GPC6: variants seen among roughly 807,000 people sequenced by gnomAD.
The protein encoded by GPC6 is glypican-6.
Under a neutral mutation model 55.2 loss-of-function variants are expected in GPC6, and 14 were observed. That is an observed-to-expected ratio of 0.25 (90% CI 0.17 to 0.40). The LOEUF (loss-of-function observed/expected upper bound fraction) is 0.40, where lower values mean the gene tolerates loss of function less well. GPC6 is among the 10% of genes least tolerant of loss of function. GPC6 has a pLI of 1.00. For missense variants in GPC6, 641 were observed against 708.5 expected (o/e 0.90, Z 1.08); for synonymous variants, 278 against 259.6 (o/e 1.07, Z -0.68).
intron 2 of GPC6, among the ~76,000 whole-genome samples, chr13:93,744,880 C>G (rs1884346520): frequency 6.6e-6 from 1 of 151,740 alleles, no homozygotes. Context: ...ATGCAGTGAG[C>G]CAAGATCACA....
At chr13:93,314,517 A>T (rs1879176097) in intron 1 of GPC6, among the ~76,000 whole-genome samples, 1 of 152,154 alleles carries the variant, frequency 6.6e-6, no homozygotes, top group African/African-American at 2.4e-5. Flanking sequence ...ACCGCCTATA[A>T]AATGGCAGCA....
At chr13:93,236,736 A>G (rs978337294) in intron 1 of GPC6, among the ~76,000 whole-genome samples, 2 of 152,106 alleles carry the variant, frequency 1.3e-5, no homozygotes, top group Non-Finnish European at 2.9e-5. Context: ...CCTGGTGCCA[A>G]AAAGGTTGGG....
chr13:93,621,476 T>G (rs1878948220), intron 2 of GPC6, among the ~76,000 whole-genome samples: 1 of 152,156 alleles, frequency 6.6e-6, no homozygotes, highest in African/African-American at 2.4e-5. Flanking sequence ...ATAACTTGGA[T>G]GTGTTCTCCA....
chr13:93,298,500 T>A (rs966845805), intron 1 of GPC6, among the ~76,000 whole-genome samples: 1 of 152,180 alleles, frequency 6.6e-6, no homozygotes, highest in Non-Finnish European at 1.5e-5. Flanking sequence ...AGTGGTGCCA[T>A]CACAGCTCAC....
chr13:93,325,515 A>G (rs1879623523), intron 1 of GPC6, among the ~76,000 whole-genome samples: 1 of 152,150 alleles, frequency 6.6e-6, no homozygotes, highest in African/African-American at 2.4e-5. Flanking sequence ...GAGATGCTAG[A>G]AGAGTAAGCA....
At chr13:93,831,770 A>G (rs1463348219) in intron 3 of GPC6, among the ~76,000 whole-genome samples, 3 of 151,930 alleles carry the variant, frequency 2.0e-5, no homozygotes, top group Admixed American at 1.3e-4. Flanking sequence ...ATTTATCAAT[A>G]TAAAGGGCAT....
intron 4 of GPC6, among the ~76,000 whole-genome samples, chr13:94,208,913 C>A (rs1033221231): frequency 6.6e-6 from 1 of 151,918 alleles, no homozygotes; most frequent in Non-Finnish European, 1.5e-5. Flanking sequence ...GGAGATGGAG[C>A]AAGACCCTAT....
At chr13:93,218,980 G>T in the GPC6 span, among the ~76,000 whole-genome samples, 1 of 151,702 alleles carries the variant, frequency 6.6e-6, no homozygotes, top group Non-Finnish European at 1.5e-5. Context: ...GTATGTTACC[G>T]GACTGATGTT....
intron 1 of GPC6, among the ~76,000 whole-genome samples, chr13:93,255,489 C>G (rs1242249441): frequency 6.6e-6 from 1 of 152,110 alleles, no homozygotes; most frequent in Non-Finnish European, 1.5e-5. Flanking sequence ...ACTAATATTT[C>G]TTTCTAAAAA....
At chr13:93,659,418 G>A (rs1594349508) in intron 2 of GPC6, among the ~76,000 whole-genome samples, 1 of 151,862 alleles carries the variant, frequency 6.6e-6, no homozygotes. Context: ...AACAGTTTTA[G>A]TACCAAAAGT....
chr13:94,016,938 G>A (rs1180935094), intron 3 of GPC6, among the ~76,000 whole-genome samples: 3 of 151,802 alleles, frequency 2.0e-5, no homozygotes, highest in South Asian at 2.1e-4. Flanking sequence ...GGGTTCAAAC[G>A]ATTCTCCTCT....
At chr13:93,344,727 C>T (rs1880373007) in intron 1 of GPC6, among the ~76,000 whole-genome samples, 1 of 152,190 alleles carries the variant, frequency 6.6e-6, no homozygotes, top group Non-Finnish European at 1.5e-5. Context: ...CCTCATTGCT[C>T]TTCTGGTTAC....
At position 93,898,454 on chromosome 13, in the gene GPC6, G is replaced by C. The variant is rs1457134467; in HGVS notation, c.711+67909G>C. 3.9e-5 allele frequency among the ~76,000 whole-genome samples: 6 copies of C among 152,208 alleles called. 1 individual carries two copies. The highest frequency in any genetic ancestry group is 1.3e-4 in the Admixed American group (2 of 15,272). Reference sequence around the variant, plus strand: ...TTGCCTTGGTGATGTTTACTTGAAGGCCACATGGATGAAACTGTGCATGAA... The same window carrying C: ...TTGCCTTGGTGATGTTTACTTGAAGCCCACATGGATGAAACTGTGCATGAA... On this transcript the variant is annotated intron_variant, in intron 3 of 8. Coordinates refer to ENST00000377047, the MANE Select transcript of GPC6 (RefSeq NM_005708.5).
chr13:93,550,140 T>G (rs1875065275), intron 2 of GPC6, among the ~76,000 whole-genome samples: 2 of 152,258 alleles, frequency 1.3e-5, no homozygotes, highest in South Asian at 2.1e-4. Flanking sequence ...GTTGAATCAA[T>G]GAAGATGTAT....
At chr13:94,155,211 G>A (rs1207566472) in intron 4 of GPC6, among the ~76,000 whole-genome samples, 1 of 124,890 alleles carries the variant, frequency 8.0e-6, no homozygotes, top group East Asian at 2.6e-4. Flanking sequence ...CAGAAACTGA[G>A]CTCACCCTTC....
intron 1 of GPC6, among the ~76,000 whole-genome samples, chr13:93,488,121 C>A (rs987200342): frequency 1.3e-5 from 2 of 152,144 alleles, no homozygotes; most frequent in African/African-American, 2.4e-5. Flanking sequence ...CCTCCCCCCT[C>A]CTTTCACCCC....
intron 2 of GPC6, among the ~76,000 whole-genome samples, chr13:93,646,380 CA>C (rs1183421945): frequency 3.3e-5 from 5 of 151,980 alleles, no homozygotes; most frequent in Non-Finnish European, 7.4e-5. Context: ...GGATTGTTTG[CA>C]AACTAGCCAA....
intron 4 of GPC6, among the ~76,000 whole-genome samples, chr13:94,078,248 T>C (rs555618698): frequency 2.0e-5 from 3 of 151,912 alleles, no homozygotes; most frequent in South Asian, 2.1e-4. Context: ...GCAAAACATA[T>C]GGGATGCAAC....
chr13:94,347,783 A>G (rs1055687921), intron 6 of GPC6, among the ~76,000 whole-genome samples: 19 of 152,242 alleles, frequency 1.2e-4, no homozygotes, highest in Non-Finnish European at 2.6e-4. Context: ...GCTACACAAA[A>G]AACTGCAGTG....
Sources: allele counts gnomAD v4.1 joint callset (sites outside exome capture counted in the v4.1 genomes callset), GRCh38; gene constraint gnomAD v4.1.1; transcripts MANE v1.5; gene names NCBI Gene and HGNC (gene_info 2026-07-23, HGNC 2026-07-21).